Variants in AACS observed in about 807,000 individuals in gnomAD.
The protein encoded by AACS is acetoacetate-CoA ligase.
In AACS, 69 loss-of-function variants were observed where a neutral mutation model predicts 83.1. That is an observed-to-expected ratio of 0.83 (90% CI 0.68 to 1.01). The LOEUF is 1.01. Ranked by LOEUF, AACS falls within the 50% of genes least tolerant of loss-of-function variation. The pLI, the probability that AACS is intolerant of heterozygous loss-of-function variation, is 0.00. For missense variants in AACS, 866 were observed against 882.2 expected (o/e 0.98, Z 0.23); for synonymous variants, 333 against 343.4 (o/e 0.97, Z 0.33).
intron 13 of AACS, chr12:125,128,615 G>A (rs891555894): frequency 5.3e-6 from 1 of 188,416 alleles, no homozygotes; most frequent in Admixed American, 5.8e-5. Context: ...CCTGGTCATT[G>A]AAGGGATAGT....
intron 8 of AACS, among the ~76,000 whole-genome samples, chr12:125,114,149 G>C (rs1425921185): frequency 6.6e-6 from 1 of 151,992 alleles, no homozygotes; most frequent in African/African-American, 2.4e-5. Context: ...TCTCAGGAAG[G>C]GTCACTTCTC....
At chr12:125,087,655 T>C (rs1426653809) in intron 4 of AACS, among the ~76,000 whole-genome samples, 1 of 152,124 alleles carries the variant, frequency 6.6e-6, no homozygotes, top group Non-Finnish European at 1.5e-5. Context: ...CGGGTGTGCC[T>C]CTCCCGAGGG....
chr12:125,069,974 A>G (rs728906), intron 1 of AACS, among the ~76,000 whole-genome samples: 47,836 of 152,054 alleles, frequency 0.31, 7,644 homozygotes, highest in Admixed American at 0.38. Context: ...GTGTGTTCAG[A>G]GTTCCAAGCT....
At position 125,091,417 on chromosome 12, in the gene AACS, T is replaced by C. The variant is rs966854875; in HGVS notation, c.473-9T>C. 3.7e-6 allele frequency: 6 copies of C among 1,614,048 alleles called. No individual in the cohort carries two copies. The highest frequency in any genetic ancestry group is 5.1e-6 in the Non-Finnish European group (6 of 1,179,900). On this transcript the variant is annotated splice_polypyrimidine_tract_variant and intron_variant, in intron 4 of 17. Transcript: ENST00000316519. ...GAACCCAAGGCTTCTTCCTATGTTT[T>C]CTCCACAGGTTATTTACCCAACAGT...
intron 10 of AACS, 189 bp from the exon 11 acceptor site, chr12:125,124,516 C>G: frequency 1.6e-6 from 1 of 625,524 alleles, no homozygotes. Context: ...AAAGAGCAGT[C>G]AGGTGCACCT....
chr12:125,102,951 A>G (rs1420140944), intron 6 of AACS, 49 bp from the exon 7 acceptor site: 1 of 1,542,836 alleles, frequency 6.5e-7, no homozygotes, highest in East Asian at 2.2e-5. Flanking sequence ...AAAAGCAGCC[A>G]AGCATCTTTG....
chr12:125,093,214 T>A (rs1956526959), intron 5 of AACS, among the ~76,000 whole-genome samples: 1 of 152,222 alleles, frequency 6.6e-6, no homozygotes, highest in Admixed American at 6.5e-5. Context: ...GGGAGAGCCG[T>A]GTGTGGCAGG....
intron 17 of AACS, chr12:125,138,966 G>T (rs991959125): frequency 2.8e-5 from 4 of 144,214 alleles, no homozygotes; most frequent in South Asian, 2.3e-4. Context: ...AAAGTCCCGG[G>T]GCCTTGCTGA....
Position 125,136,643 on chromosome 12 carries a change from C to T in AACS, c.1679-19C>T, listed in dbSNP as rs763842874. The T allele has an allele frequency of 1.2e-6, 2 of 1,610,798 alleles. No homozygotes were observed. Among genetic ancestry groups the T allele is most frequent in the African/African-American group, 1.3e-5 (1 of 74,960 alleles). On this transcript the variant is annotated intron_variant, in intron 16 of 17. Coordinates refer to ENST00000316519, the MANE Select transcript of AACS (RefSeq NM_023928.5). ...GAGGGGCCCCCTGCGTGAATGTGCACCCTCTCCTGTCTCCACAGTGGAATC... is the reference window on the plus strand; with the variant it reads ...GAGGGGCCCCCTGCGTGAATGTGCATCCTCTCCTGTCTCCACAGTGGAATC...
chr12:125,073,007 A>T (rs1955917863), intron 1 of AACS, among the ~76,000 whole-genome samples: 1 of 133,344 alleles, frequency 7.5e-6, no homozygotes, highest in Non-Finnish European at 1.5e-5. Context: ...GGCTCACTTC[A>T]TCCTCGGCCT....
intron 4 of AACS, 114 bp downstream of exon 4, chr12:125,086,557 C>T: frequency 1.1e-6 from 1 of 924,308 alleles, no homozygotes; most frequent in Non-Finnish European, 1.7e-6. Context: ...TTACATGGAA[C>T]CTTGTGGGAC....
chr12:125,093,701 G>A (rs1462598366), intron 5 of AACS, among the ~76,000 whole-genome samples: 2 of 152,150 alleles, frequency 1.3e-5, no homozygotes, highest in East Asian at 1.9e-4. Flanking sequence ...CAGGCCCTGC[G>A]GCTACGTCTC....
At chr12:125,068,733 A>G (rs933010998) in intron 1 of AACS, among the ~76,000 whole-genome samples, 1 of 151,822 alleles carries the variant, frequency 6.6e-6, no homozygotes, top group Non-Finnish European at 1.5e-5. Context: ...CTCAAATGCT[A>G]TCTTCTTTTT....
At chr12:125,135,292 A>C (rs1437738351) in intron 16 of AACS, among the ~76,000 whole-genome samples, 3 of 151,742 alleles carry the variant, frequency 2.0e-5, no homozygotes, top group Non-Finnish European at 4.4e-5. Context: ...ATGGGGTTTC[A>C]CCGTGTTGGC....
intron 3 of AACS, among the ~76,000 whole-genome samples, chr12:125,081,961 C>T (rs1472885149): frequency 4.6e-5 from 7 of 151,806 alleles, no homozygotes; most frequent in Admixed American, 3.3e-4. Flanking sequence ...CTGCAGCCTC[C>T]GCCTCCTGGC....
chr12:125,082,023 G>A (rs1189348315), intron 3 of AACS, among the ~76,000 whole-genome samples: 3 of 151,904 alleles, frequency 2.0e-5, no homozygotes, highest in African/African-American at 4.8e-5. Flanking sequence ...TTACAGGCAC[G>A]TGCCAGCATG....
At chr12:125,090,208 TATC>T (rs1956445406) in intron 4 of AACS, among the ~76,000 whole-genome samples, 3 of 26,838 alleles carry the variant, frequency 1.1e-4, no homozygotes, top group Admixed American at 4.7e-4. Context: ...ATTTACCCAT[TATC>T]CATCTATCCA....
At chr12:125,133,245 C>T (rs999450070) in intron 14 of AACS, among the ~76,000 whole-genome samples, 5 of 152,174 alleles carry the variant, frequency 3.3e-5, no homozygotes, top group African/African-American at 1.2e-4. Context: ...GGCTTCTCTT[C>T]ACTGTTTGGC....
At chr12:125,086,020 G>T (rs1050322165) in intron 3 of AACS, among the ~76,000 whole-genome samples, 5 of 152,058 alleles carry the variant, frequency 3.3e-5, no homozygotes, top group African/African-American at 1.2e-4. Context: ...TGAACTCCTG[G>T]GCTCAAGCAG....
Sources: allele counts gnomAD v4.1 joint callset (sites outside exome capture counted in the v4.1 genomes callset), GRCh38; gene constraint gnomAD v4.1.1; transcripts MANE v1.5; gene names NCBI Gene and HGNC (gene_info 2026-07-23, HGNC 2026-07-21).